The following STARD13 variants were observed in gnomAD, a reference collection of about 807,000 sequenced individuals.
STARD13 encodes the protein StAR related lipid transfer domain containing 13.
A neutral mutation model predicts 106.4 loss-of-function variants in STARD13; 62 were observed. The ratio of observed to expected loss-of-function variants is 0.58; its 90% confidence interval spans 0.48 to 0.72. STARD13 has a LOEUF of 0.72. Among genes scored for constraint, STARD13 ranks in the 30% least tolerant of loss-of-function variants. The pLI, the probability that STARD13 is intolerant of heterozygous loss-of-function variation, is 0.00. For missense variants in STARD13, 1,387 were observed against 1,424.0 expected (o/e 0.97, Z 0.42); for synonymous variants, 565 against 553.0 (o/e 1.02, Z -0.31).
chr13:33,577,103 C>G, the STARD13 span, among the ~76,000 whole-genome samples: 14 of 152,128 alleles, frequency 9.2e-5, no homozygotes, highest in Non-Finnish European at 1.8e-4. Flanking sequence ...AATTAGTATG[C>G]CTAATTATGT....
chr13:33,640,730 A>G, the STARD13 span, among the ~76,000 whole-genome samples: 30 of 152,228 alleles, frequency 2.0e-4, no homozygotes, highest in Non-Finnish European at 4.3e-4. Context: ...GGAAGTGAGT[A>G]CATGAGAATC....
chr13:33,410,888 C>A, the STARD13 span, among the ~76,000 whole-genome samples: 1 of 152,266 alleles, frequency 6.6e-6, no homozygotes, highest in East Asian at 1.9e-4. Flanking sequence ...TAGTCATCAG[C>A]CAAAGGAAGA....
At chr13:33,154,556 G>C (rs1397044409) in intron 3 of STARD13, among the ~76,000 whole-genome samples, 2 of 152,154 alleles carry the variant, frequency 1.3e-5, no homozygotes, top group African/African-American at 4.8e-5. Flanking sequence ...CTTCAAGGAA[G>C]AACATAGGCT....
the STARD13 span, among the ~76,000 whole-genome samples, chr13:33,487,049 C>T: frequency 8.7e-3 from 1,325 of 152,340 alleles, 6 homozygotes; most frequent in Middle Eastern, 0.02. Context: ...TTATTGGTCT[C>T]TGTCATATTG....
At chr13:33,309,391 T>C (rs1388877629) in intron 1 of STARD13, among the ~76,000 whole-genome samples, 1 of 152,078 alleles carries the variant, frequency 6.6e-6, no homozygotes, top group Admixed American at 6.5e-5. Context: ...AGGGTGATAA[T>C]GAAAATTGGA....
intron 3 of STARD13, among the ~76,000 whole-genome samples, chr13:33,150,226 A>G (rs1316055143): frequency 1.3e-5 from 2 of 152,218 alleles, no homozygotes; most frequent in Non-Finnish European, 2.9e-5. Context: ...TAGACCTTGT[A>G]TAGTCAGGAT....
intron 1 of STARD13, among the ~76,000 whole-genome samples, chr13:33,342,577 C>A (rs1342783107): frequency 6.6e-6 from 1 of 151,204 alleles, no homozygotes; most frequent in Non-Finnish European, 1.5e-5. Flanking sequence ...GCCACCCAGG[C>A]TGAAGGGCAG....
the STARD13 span, among the ~76,000 whole-genome samples, chr13:33,379,773 C>G: frequency 6.6e-6 from 1 of 152,212 alleles, no homozygotes; most frequent in Non-Finnish European, 1.5e-5. Flanking sequence ...AGCTGGGATT[C>G]ACACCTGGCA....
chr13:33,165,973 C>T (rs151297634), intron 2 of STARD13, among the ~76,000 whole-genome samples: 104 of 152,252 alleles, frequency 6.8e-4, no homozygotes, highest in African/African-American at 2.3e-3. Flanking sequence ...ACAATTCATG[C>T]CAGCTTTGAA....
At chr13:33,540,484 C>A in the STARD13 span, among the ~76,000 whole-genome samples, 1 of 152,168 alleles carries the variant, frequency 6.6e-6, no homozygotes, top group Non-Finnish European at 1.5e-5. Flanking sequence ...TTCTGGGAGG[C>A]ACAGAGAGAG....
At chr13:33,418,799 T>C in the STARD13 span, among the ~76,000 whole-genome samples, 1 of 152,232 alleles carries the variant, frequency 6.6e-6, no homozygotes, top group African/African-American at 2.4e-5. Flanking sequence ...ATGCAGCCTC[T>C]GATGGTGATA....
At chr13:33,476,810 A>C in the STARD13 span, among the ~76,000 whole-genome samples, 1 of 152,220 alleles carries the variant, frequency 6.6e-6, no homozygotes, top group East Asian at 1.9e-4. Context: ...TAAACACCCT[A>C]TTAATGAAGC....
At chr13:33,371,225 G>GT in the STARD13 span, among the ~76,000 whole-genome samples, 3 of 152,246 alleles carry the variant, frequency 2.0e-5, no homozygotes, top group Middle Eastern at 3.4e-3. Flanking sequence ...GTCAGCACTT[G>GT]TTTTTTCTTC....
chr13:33,597,692 A>T, the STARD13 span, among the ~76,000 whole-genome samples: 1 of 151,850 alleles, frequency 6.6e-6, no homozygotes, highest in Admixed American at 6.6e-5. Flanking sequence ...CTAAAAAAAA[A>T]AAAAATAGAA....
chr13:33,182,494 AGT>A (rs1211010056), intron 1 of STARD13, among the ~76,000 whole-genome samples: 2 of 152,186 alleles, frequency 1.3e-5, no homozygotes, highest in Non-Finnish European at 2.9e-5. Flanking sequence ...GTTTAACAGA[AGT>A]GTCCAATCTT....
At chr13:33,449,521 T>C in the STARD13 span, among the ~76,000 whole-genome samples, 3 of 152,180 alleles carry the variant, frequency 2.0e-5, no homozygotes, top group South Asian at 2.1e-4. Flanking sequence ...AAGTATATTT[T>C]GAAGTCAGGT....
the STARD13 span, among the ~76,000 whole-genome samples, chr13:33,632,036 A>G: frequency 1.3e-5 from 2 of 152,222 alleles, no homozygotes; most frequent in Non-Finnish European, 2.9e-5. Context: ...AGTTTTTGCC[A>G]TTTAATGGAA....
chr13:33,433,996 T>G, the STARD13 span, among the ~76,000 whole-genome samples: 1 of 152,124 alleles, frequency 6.6e-6, no homozygotes, highest in Non-Finnish European at 1.5e-5. Context: ...ACTTAGTCAA[T>G]AGTCAGCCCT....
the STARD13 span, among the ~76,000 whole-genome samples, chr13:33,541,017 G>A: frequency 6.6e-6 from 1 of 152,128 alleles, no homozygotes; most frequent in Non-Finnish European, 1.5e-5. Flanking sequence ...GAGGATATTT[G>A]CAAAGGAGTC....
Sources: allele counts gnomAD v4.1 joint callset (sites outside exome capture counted in the v4.1 genomes callset), GRCh38; gene constraint gnomAD v4.1.1; transcripts MANE v1.5; gene names NCBI Gene and HGNC (gene_info 2026-07-23, HGNC 2026-07-21).